PUM1: variants seen among roughly 807,000 people sequenced by gnomAD.
PUM1 encodes pumilio homolog 1.
Under a neutral mutation model 131.8 loss-of-function variants are expected in PUM1, and 13 were observed. That is an observed-to-expected ratio of 0.10 (90% CI 0.06 to 0.16). PUM1 has a LOEUF of 0.16. PUM1 is among the 10% of genes least tolerant of loss of function. The pLI is 1.00. For missense variants in PUM1, 961 were observed against 1,512.4 expected, an observed-to-expected ratio of 0.64 and a Z score of 6.05; for synonymous variants, 509 against 556.5, an observed-to-expected ratio of 0.91 and a Z score of 1.20.
chr1:30,980,098 G>T lies in PUM1; in HGVS notation c.1318C>A (p.Pro440Thr). ...GCTGCAGCCAATCCAGCTGTGTAGG[G>T]GTCCGTCCCTGGGGGAGCAGCGCTG... Reference protein sequence around the residue: ...IISAAPPGTDPYTAGLAAAAT... With the variant: ...IISAAPPGTDTYTAGLAAAAT... The change falls in exon 9 of 22, where the codon CCC becomes ACC. Residue 440 changes from proline (P) to threonine (T), a missense_variant. Around this residue, in one of 4 missense-constraint regions of PUM1, gnomAD observed 654 missense variants for 923.9 expected, o/e 0.71. Transcript: ENST00000426105. 1.2e-6 allele frequency: 2 copies of T among 1,613,760 alleles called. No individual in the cohort carries two copies. Among genetic ancestry groups the T allele is most frequent in the East Asian group, 2.2e-5 (1 of 44,870 alleles).
intron 5 of PUM1, among the ~76,000 whole-genome samples, chr1:30,999,821 A>C (rs1300099671): frequency 2.0e-5 from 3 of 152,192 alleles, no homozygotes; most frequent in African/African-American, 7.2e-5. Flanking sequence ...ATGTAATATA[A>C]TAGTAATAAA....
At chr1:30,954,048 C>T (rs1640051056) in intron 14 of PUM1, 67 bp from the exon 15 acceptor site, 1 of 1,485,470 alleles carries the variant, frequency 6.7e-7, no homozygotes, top group Non-Finnish European at 9.2e-7. Context: ...GAGAAAAAAG[C>T]ATTCCCACAC....
chr1:31,054,011 T>C (rs1453195581), intron 2 of PUM1, among the ~76,000 whole-genome samples: 6 of 147,448 alleles, frequency 4.1e-5, no homozygotes, highest in Non-Finnish European at 8.9e-5. Context: ...GGAGAATCAC[T>C]TGAACCCAGG....
At chr1:31,046,752 G>A (rs1643978629) in intron 2 of PUM1, among the ~76,000 whole-genome samples, 1 of 151,954 alleles carries the variant, frequency 6.6e-6, no homozygotes, top group Admixed American at 6.6e-5. Flanking sequence ...TTACAGGCAT[G>A]AGCCACCACA....
At chr1:31,056,213 G>A (rs1025329423) in intron 2 of PUM1, among the ~76,000 whole-genome samples, 1 of 152,212 alleles carries the variant, frequency 6.6e-6, no homozygotes, top group South Asian at 2.1e-4. Flanking sequence ...ATCTTTCCAG[G>A]ATATAAGATT....
chr1:31,054,518 T>C (rs1167543071), intron 2 of PUM1, among the ~76,000 whole-genome samples: 2 of 139,442 alleles, frequency 1.4e-5, no homozygotes, highest in East Asian at 2.2e-4. Flanking sequence ...CTTTGTTCCA[T>C]TATGCCAAAG....
chr1:31,021,035 G>A (rs1173499394), intron 3 of PUM1, among the ~76,000 whole-genome samples: 1 of 152,088 alleles, frequency 6.6e-6, no homozygotes, highest in Non-Finnish European at 1.5e-5. Context: ...TATATAATGA[G>A]GATATATTTC....
At chr1:31,014,033 G>A (rs1187705022) in intron 3 of PUM1, among the ~76,000 whole-genome samples, 1 of 152,184 alleles carries the variant, frequency 6.6e-6, no homozygotes, top group Non-Finnish European at 1.5e-5. Flanking sequence ...CAGGTATGAT[G>A]GCTGATTCCT....
intron 2 of PUM1, among the ~76,000 whole-genome samples, chr1:31,058,543 T>G (rs1242941468): frequency 6.6e-6 from 1 of 151,790 alleles, no homozygotes; most frequent in East Asian, 1.9e-4. Context: ...GCACCTGTAG[T>G]CCCAGCTACT....
intron 3 of PUM1, among the ~76,000 whole-genome samples, chr1:31,017,072 T>C (rs1429125050): frequency 2.6e-5 from 4 of 152,156 alleles, no homozygotes; most frequent in South Asian, 2.1e-4. Flanking sequence ...TTTCTGACTA[T>C]TGAAAAAATA....
intron 3 of PUM1, among the ~76,000 whole-genome samples, chr1:31,026,469 C>T (rs1222757776): frequency 1.3e-5 from 2 of 152,066 alleles, no homozygotes; most frequent in Admixed American, 1.3e-4. Context: ...TCCAACCATA[C>T]ATAGAAAAAA....
intron 9 of PUM1, among the ~76,000 whole-genome samples, chr1:30,977,024 A>G (rs1317098925): frequency 2.0e-5 from 3 of 152,248 alleles, no homozygotes; most frequent in African/African-American, 4.8e-5. Flanking sequence ...GCTTGAGACC[A>G]GAAGTGTTAC....
rs1557569909 is a variant in PUM1, at chr1:30,983,757, C to CTT, written c.1159-2353_1159-2352insAA. On this transcript the variant is annotated intron_variant, in intron 7 of 21. Coordinates refer to ENST00000426105, the MANE Select transcript of PUM1 (RefSeq NM_001020658.2). ...TAGCTGCGCATGTCACCACGCCTGG[C>CTT]ATTTTTTTTTTTTTTTTTTTGAACT... 5.1e-4 allele frequency among the ~76,000 whole-genome samples: 62 copies of CTT among 121,110 alleles called. 1 individual carries two copies. Among genetic ancestry groups the CTT allele is most frequent in the Admixed American group, 2.0e-3 (25 of 12,490 alleles). 79.5% of individuals were successfully genotyped at this position (121,110 alleles called of 152,430 possible).
rs1232232387 is a variant in PUM1 at position 30,976,081 on chromosome 1, T to C, written c.1355-1279A>G. 2.6e-5 allele frequency among the ~76,000 whole-genome samples: 3 copies of C among 117,538 alleles called. No individual in the cohort carries two copies. The East Asian group carries it at 8.5e-4, about 33-fold the overall frequency. The allele number at this position is 117,538 out of a possible 152,430, so 77.1% of individuals were successfully genotyped here. A position where few individuals can be genotyped will look rare whatever the true frequency, so the allele number is the denominator to read the frequency against. ...CCAGCCTGGGCAACAGAGCAAAGAG[T>C]GTGTCTCCAAAAAAAAAAAAAAAAA... On this transcript the variant is annotated intron_variant, in intron 9 of 21. Transcript: ENST00000426105.
At chr1:31,021,659 A>T (rs1360001812) in intron 3 of PUM1, among the ~76,000 whole-genome samples, 1 of 152,176 alleles carries the variant, frequency 6.6e-6, no homozygotes, top group Non-Finnish European at 1.5e-5. Flanking sequence ...TAAAGCCCAG[A>T]CCATCTGGGT....
intron 5 of PUM1, among the ~76,000 whole-genome samples, chr1:31,000,308 T>C (rs1642162465): frequency 6.6e-6 from 1 of 152,228 alleles, no homozygotes; most frequent in Non-Finnish European, 1.5e-5. Context: ...TTTAGCTGAA[T>C]GTTAACCCAA....
At chr1:30,982,926 TTTTTGTTTTG>T (rs374619180) in intron 7 of PUM1, among the ~76,000 whole-genome samples, 3 of 152,256 alleles carry the variant, frequency 2.0e-5, no homozygotes, top group Admixed American at 6.5e-5. Context: ...ACTTTAGTTT[TTTTTGTTTTG>T]TTTTGTTTTG....
intron 3 of PUM1, among the ~76,000 whole-genome samples, chr1:31,016,049 T>C (rs903359737): frequency 6.6e-6 from 1 of 152,222 alleles, no homozygotes; most frequent in South Asian, 2.1e-4. Flanking sequence ...TTTCAAATAT[T>C]TTTAAGCAAG....
intron 2 of PUM1, among the ~76,000 whole-genome samples, chr1:31,038,984 A>ATATATATATATATATATATTTTTTTT: frequency 6.1e-5 from 3 of 49,412 alleles, no homozygotes; most frequent in East Asian, 6.7e-4. Flanking sequence ...ATATATATAT[A>ATATATATATATATATATATTTTTTTT]TTTTTTTTTT....
Sources: gnomAD v4.1 joint callset for allele counts (sites outside exome capture counted in the v4.1 genomes callset) on GRCh38, gnomAD v4.1.1 for gene constraint, gnomAD v4.1.1 regional missense constraint, MANE v1.5 for transcripts, NCBI Gene and HGNC (gene_info 2026-07-23, HGNC 2026-07-21) for gene names.